FHIP1A: variants seen among roughly 807,000 people sequenced by gnomAD.
FHIP1A encodes FHF complex subunit HOOK interacting protein 1A.
A neutral mutation model predicts 88.6 loss-of-function variants in FHIP1A; 61 were observed. The observed-to-expected ratio is 0.69, with a 90% CI of 0.56 to 0.85. FHIP1A has a LOEUF of 0.85. Ranked by LOEUF, FHIP1A falls within the 40% of genes least tolerant of loss-of-function variation. FHIP1A has a pLI of 0.00. For synonymous variants in FHIP1A, 478 were observed against 496.0 expected, an observed-to-expected ratio of 0.96 and a Z score of 0.48; for missense variants, 1,154 against 1,273.5, an observed-to-expected ratio of 0.91 and a Z score of 1.43.
At chr4:151,525,253 C>T (rs1360396823) in intron 3 of FHIP1A, among the ~76,000 whole-genome samples, 1 of 152,226 alleles carries the variant, frequency 6.6e-6, no homozygotes, top group Non-Finnish European at 1.5e-5. Context: ...TGTTTTCTTT[C>T]TTTCTCTCAC....
At chr4:151,464,027 TA>T (rs2126604577) in intron 2 of FHIP1A, among the ~76,000 whole-genome samples, 1 of 152,234 alleles carries the variant, frequency 6.6e-6, no homozygotes, top group African/African-American at 2.4e-5. Flanking sequence ...GCCAGTTTGA[TA>T]TTTTTATTGT....
chr4:151,545,363 A>G (rs1268202579), intron 3 of FHIP1A, among the ~76,000 whole-genome samples: 3 of 135,364 alleles, frequency 2.2e-5, no homozygotes, highest in Admixed American at 1.5e-4. Flanking sequence ...ATATTTCCTT[A>G]TCCTTCTTTT....
chr4:151,517,244 T>G (rs1342142152), intron 3 of FHIP1A, among the ~76,000 whole-genome samples: 1 of 151,902 alleles, frequency 6.6e-6, no homozygotes, highest in Non-Finnish European at 1.5e-5. Context: ...TAGGCGGGAA[T>G]TGAACAATGA....
intron 3 of FHIP1A, among the ~76,000 whole-genome samples, chr4:151,555,053 A>G (rs1732893285): frequency 6.6e-6 from 1 of 152,104 alleles, no homozygotes; most frequent in South Asian, 2.1e-4. Flanking sequence ...TTCTCCCCCC[A>G]ATCACAGAAG....
chr4:151,549,647 A>G (rs9884167), intron 3 of FHIP1A, among the ~76,000 whole-genome samples: 49,251 of 151,962 alleles, frequency 0.32, 8,011 homozygotes, highest in Non-Finnish European at 0.34. Flanking sequence ...ATGGTCAATC[A>G]GCCACCCTCA....
chr4:151,663,585 C>T lies in FHIP1A; in HGVS notation c.*831C>T, dbSNP rs1036089265. The T allele has an allele frequency of 2.0e-5, 3 of 152,124 alleles. No homozygotes were observed. Among genetic ancestry groups the T allele is most frequent in the Admixed American group, 1.3e-4 (2 of 15,270 alleles). 9.4% of individuals were successfully genotyped at this position (152,124 alleles called of 1,614,324 possible). Reference sequence around the variant, plus strand: ...ATCACATATATATGTAAGAAGACAACCATCATTATTTTTGTAAGTGTTTTA... The same window carrying T: ...ATCACATATATATGTAAGAAGACAATCATCATTATTTTTGTAAGTGTTTTA... On this transcript the variant is annotated 3_prime_UTR_variant, in exon 14 of 14. Coordinates refer to ENST00000435205, the MANE Select transcript of FHIP1A (RefSeq NM_001109977.3).
chr4:151,486,693 G>C (rs908802073), intron 3 of FHIP1A, among the ~76,000 whole-genome samples: 1 of 152,058 alleles, frequency 6.6e-6, no homozygotes, highest in Non-Finnish European at 1.5e-5. Flanking sequence ...CTTGCCGGGC[G>C]TGGTGGCTCA....
chr4:151,649,184 C>T (rs1252396507), intron 10 of FHIP1A, among the ~76,000 whole-genome samples: 1 of 152,212 alleles, frequency 6.6e-6, no homozygotes, highest in Admixed American at 6.5e-5. Context: ...GCTCTTCTTT[C>T]TCTAATGACT....
At chr4:151,530,366 C>T (rs1000377597) in intron 3 of FHIP1A, among the ~76,000 whole-genome samples, 2 of 152,100 alleles carry the variant, frequency 1.3e-5, no homozygotes, top group South Asian at 2.1e-4. Context: ...GGTAGGCATA[C>T]GATTCATATT....
At chr4:151,525,636 A>T (rs1301115042) in intron 3 of FHIP1A, among the ~76,000 whole-genome samples, 1 of 152,208 alleles carries the variant, frequency 6.6e-6, no homozygotes, top group Non-Finnish European at 1.5e-5. Flanking sequence ...TTGTGGCATA[A>T]TGAGGAATTA....
chr4:151,454,489 T>C (rs1728902965), intron 1 of FHIP1A, among the ~76,000 whole-genome samples: 1 of 152,178 alleles, frequency 6.6e-6, no homozygotes, highest in African/African-American at 2.4e-5. Context: ...GTTACCTTTT[T>C]CCCTCAATGT....
At chr4:151,662,422 C>A in intron 13 of FHIP1A, 79 bp from the exon 14 acceptor site, 1 of 1,420,794 alleles carries the variant, frequency 7.0e-7, no homozygotes, top group South Asian at 1.5e-5. Context: ...CAACTCTGCC[C>A]CCAAACACAT....
At chr4:151,615,776 T>C (rs2126854894) in intron 7 of FHIP1A, among the ~76,000 whole-genome samples, 1 of 152,348 alleles carries the variant, frequency 6.6e-6, no homozygotes, top group Middle Eastern at 3.4e-3. Flanking sequence ...ATTTTTTATG[T>C]AAACAGTGTG....
intron 2 of FHIP1A, among the ~76,000 whole-genome samples, chr4:151,479,091 T>G (rs1729809378): frequency 6.6e-6 from 1 of 152,046 alleles, no homozygotes. Context: ...GAAGCTTCAT[T>G]TGGTTCAACT....
chr4:151,646,725 CAA>C lies in FHIP1A; in HGVS notation c.1396_1397del (p.Lys466ValfsTer4). 6.4e-7 allele frequency: 1 copy of C among 1,550,648 alleles called. No homozygotes were observed. The highest frequency in any genetic ancestry group is 8.7e-7 in the Non-Finnish European group (1 of 1,146,538). ...CAAGAGAGGGATTATATTCTCTGGT[CAA>C]AGTGTATGCATGACACTTCAGGTAG... On this transcript the variant is annotated frameshift_variant, in exon 10 of 14. Transcript: ENST00000435205. LOFTEE classifies it high-confidence loss of function.
chr4:151,511,288 G>A (rs1315480493), intron 3 of FHIP1A, among the ~76,000 whole-genome samples: 1 of 152,206 alleles, frequency 6.6e-6, no homozygotes, highest in Admixed American at 6.5e-5. Flanking sequence ...TTCATGAAAT[G>A]CAATCCCGAG....
At chr4:151,538,574 A>G (rs560603187) in intron 3 of FHIP1A, among the ~76,000 whole-genome samples, 133 of 152,276 alleles carry the variant, frequency 8.7e-4, no homozygotes, top group Non-Finnish European at 1.2e-3. Flanking sequence ...AGCCATTACT[A>G]TTTCTCCATG....
chr4:151,549,607 T>C (rs907587171), intron 3 of FHIP1A, among the ~76,000 whole-genome samples: 1 of 152,158 alleles, frequency 6.6e-6, no homozygotes, highest in South Asian at 2.1e-4. Flanking sequence ...CACCTTTTGT[T>C]TAGTATGTAA....
At position 151,638,658 on chromosome 4, in the gene FHIP1A, T is replaced by TGTGTCTCTTGCTACCCAGCTTTGTGTG; in HGVS notation, c.1147-7_1147-6insACCCAGCTTTGTGTGGTGTCTCTTGCT. 1 of 1,486,284 alleles carries TGTGTCTCTTGCTACCCAGCTTTGTGTG rather than the reference T, an allele frequency of 6.7e-7. No homozygotes were observed. Among genetic ancestry groups the TGTGTCTCTTGCTACCCAGCTTTGTGTG allele is most frequent in the African/African-American group, 1.4e-5 (1 of 71,624 alleles). 92.1% of individuals were successfully genotyped at this position (1,486,284 alleles called of 1,614,324 possible). On this transcript the variant is annotated intron_variant, in intron 8 of 13. Transcript: ENST00000435205. ...TCGTTCCAACATCTGAACTAGAATGTGTGTCTCTTGCTTCCCAGCTTTGTG... is the reference window on the plus strand; with the variant it reads ...TCGTTCCAACATCTGAACTAGAATGTGTGTCTCTTGCTACCCAGCTTTGTGTGGTGTCTCTTGCTTCCCAGCTTTGTG...
Sources: allele counts gnomAD v4.1 joint callset (sites outside exome capture counted in the v4.1 genomes callset), GRCh38; gene constraint gnomAD v4.1.1; transcripts MANE v1.5; gene names NCBI Gene and HGNC (gene_info 2026-07-23, HGNC 2026-07-21).